Variants in SPIRE1 observed in about 807,000 individuals in gnomAD.
SPIRE1 encodes the protein protein spire homolog 1.
A neutral mutation model predicts 94.1 loss-of-function variants in SPIRE1; 40 were observed. That is an observed-to-expected ratio of 0.43 (90% CI 0.33 to 0.55). SPIRE1 has a LOEUF of 0.55. Among genes scored for constraint, SPIRE1 ranks in the 20% least tolerant of loss-of-function variants. SPIRE1 has a pLI of 0.06. For synonymous variants in SPIRE1, 376 were observed against 371.7 expected (o/e 1.01, Z -0.13); for missense variants, 838 against 975.2 (o/e 0.86, Z 1.87).
intron 1 of SPIRE1, among the ~76,000 whole-genome samples, chr18:12,648,905 A>T (rs67139453): frequency 6.8e-6 from 1 of 147,964 alleles, no homozygotes; most frequent in Non-Finnish European, 1.5e-5. Flanking sequence ...AAAAAAAAAA[A>T]AAAAAAGAAA....
At position 12,612,069 on chromosome 18, in the gene SPIRE1, CTCTCT is replaced by C. The variant is rs1472454633; in HGVS notation, c.372+22988_372+22992del. Among the ~76,000 whole-genome samples the C allele has an allele frequency of 1.4e-4, 22 of 152,232 alleles. No homozygotes were observed. In the East Asian group the frequency reaches 3.7e-3, roughly 25 times the overall value. Reference sequence around the variant, plus strand: ...TTATTCACTATCTCTGATTTCTCTCCTCTCTTCTCTTTGAAACCCACTCCAATAAG... The same window carrying C: ...TTATTCACTATCTCTGATTTCTCTCCTCTCTTTGAAACCCACTCCAATAAG... On this transcript the variant is annotated intron_variant, in intron 2 of 16. Coordinates refer to ENST00000409402, the MANE Select transcript of SPIRE1 (RefSeq NM_001128626.2).
Position 12,449,816 on chromosome 18 carries a change from G to T in SPIRE1, c.2093C>A (p.Thr698Asn), listed in dbSNP as rs201168955. The T allele has an allele frequency of 1.2e-6, 2 of 1,614,090 alleles. No individual in the cohort carries two copies. Among genetic ancestry groups the T allele is most frequent in the Non-Finnish European group, 1.7e-6 (2 of 1,180,026 alleles). The change falls in exon 17 of 17, where the codon ACC becomes AAC. Residue 698 changes from threonine (T) to asparagine (N), a missense_variant. Around this residue, in one of 2 missense-constraint regions of SPIRE1, gnomAD observed 645 missense variants for 804.7 expected, o/e 0.80. Transcript: ENST00000409402. Reference sequence around the variant, plus strand: ...CTTGCAGTCCACACACACCTCCATGGTGCTCCAGTCCTCCATCAACTCTTT... The same window carrying T: ...CTTGCAGTCCACACACACCTCCATGTTGCTCCAGTCCTCCATCAACTCTTT... Reference protein sequence around the residue: ...FPKELMEDWSTMEVCVDCKKF... With the variant: ...FPKELMEDWSNMEVCVDCKKF...
At position 12,448,498 on chromosome 18, in the gene SPIRE1, A is replaced by G. The variant is rs1225888333; in HGVS notation, c.*1140T>C. On this transcript the variant is annotated 3_prime_UTR_variant, in exon 17 of 17. Transcript: ENST00000409402. This position sits in a 1 kb window ranked among gnomAD's most constrained non-coding sequence, Gnocchi z 4.4. ...GGCATACAATGCTACCCTCCAGTCT[A>G]CTTTCGTCAGAAACCAAACCTACTC... is the stretch of plus-strand genomic sequence containing the variant. 6.6e-6 allele frequency: 1 copy of G among 152,268 alleles called. No individual in the cohort carries two copies. Among genetic ancestry groups the G allele is most frequent in the Non-Finnish European group, 1.5e-5 (1 of 68,046 alleles). 9.4% of individuals were successfully genotyped at this position (152,268 alleles called of 1,614,324 possible).
chr18:12,498,082 T>C (rs1243968724), intron 6 of SPIRE1, among the ~76,000 whole-genome samples: 5 of 152,198 alleles, frequency 3.3e-5, no homozygotes, highest in Non-Finnish European at 4.4e-5. Flanking sequence ...GTTTCAGATT[T>C]TTCAATATTT....
At chr18:12,612,996 C>A (rs971587048) in intron 2 of SPIRE1, among the ~76,000 whole-genome samples, 1 of 152,182 alleles carries the variant, frequency 6.6e-6, no homozygotes, top group Admixed American at 6.5e-5. Flanking sequence ...TAGCACTCAG[C>A]ACCTTTTAAT....
intron 4 of SPIRE1, among the ~76,000 whole-genome samples, chr18:12,525,276 C>CA (rs1170791088): frequency 0.044 from 3,159 of 71,466 alleles, 250 homozygotes; most frequent in African/African-American, 0.1. Flanking sequence ...GACTCCGTCT[C>CA]AAAAAAAAAA....
chr18:12,472,693 T>A (rs111616034), intron 10 of SPIRE1, among the ~76,000 whole-genome samples: 2 of 151,676 alleles, frequency 1.3e-5, no homozygotes, highest in African/African-American at 4.8e-5. Flanking sequence ...GGGGACTTGC[T>A]CTGTCACCCA....
At chr18:12,454,681 T>C (rs1268251010) in intron 12 of SPIRE1, among the ~76,000 whole-genome samples, 198 bp from the exon 13 acceptor site, 2 of 151,848 alleles carry the variant, frequency 1.3e-5, no homozygotes, top group East Asian at 1.9e-4. Context: ...GCAGAAAACA[T>C]GTGGGGACCA....
intron 2 of SPIRE1, among the ~76,000 whole-genome samples, chr18:12,568,906 G>A (rs1244579816): frequency 6.6e-6 from 1 of 152,134 alleles, no homozygotes; most frequent in Admixed American, 6.5e-5. Context: ...AGCCTGAACA[G>A]CTCTGAAACA....
chr18:12,560,601 A>G (rs1214970848), intron 2 of SPIRE1, among the ~76,000 whole-genome samples: 1 of 152,230 alleles, frequency 6.6e-6, no homozygotes, highest in African/African-American at 2.4e-5. Context: ...CTCTAATCCC[A>G]GCACTTTGGC....
In SPIRE1 at chr18:12,447,395, G is replaced by A. The variant is rs1171801734; in HGVS notation, c.*2243C>T. On this transcript the variant is annotated 3_prime_UTR_variant, in exon 17 of 17. Coordinates refer to ENST00000409402, the MANE Select transcript of SPIRE1 (RefSeq NM_001128626.2). Reference sequence around the variant, plus strand: ...CAAGCTCTTAGTGAATTACCCTGTGGAAACTATGTAGCTGACGTGAAGTGT... The same window carrying A: ...CAAGCTCTTAGTGAATTACCCTGTGAAAACTATGTAGCTGACGTGAAGTGT... 1 of 149,188 alleles carries A rather than the reference G, an allele frequency of 6.7e-6. No individual in the cohort carries two copies. Among genetic ancestry groups the A allele is most frequent in the Non-Finnish European group, 1.5e-5 (1 of 67,070 alleles). The allele number at this position is 149,188 out of a possible 1,614,324, so 9.2% of individuals were successfully genotyped here. A position where few individuals can be genotyped will look rare whatever the true frequency, so the allele number is the denominator to read the frequency against.
At position 12,612,637 on chromosome 18, in the gene SPIRE1, G is replaced by A. The variant is rs185904597; in HGVS notation, c.372+22425C>T. Reference sequence around the variant, plus strand: ...GAATCTAAATTTAACAAGATCTCTAGGAAATTTGTATGCATATTAAAGTTT... The same window carrying A: ...GAATCTAAATTTAACAAGATCTCTAAGAAATTTGTATGCATATTAAAGTTT... On this transcript the variant is annotated intron_variant, in intron 2 of 16. Transcript: ENST00000409402. Among the ~76,000 whole-genome samples, 564 of 152,286 alleles carry A rather than the reference G, an allele frequency of 3.7e-3. 1 individual carries two copies. Among genetic ancestry groups the A allele is most frequent in the Non-Finnish European group, 6.1e-3 (415 of 68,034 alleles).
Position 12,464,830 on chromosome 18 carries a change from G to C in SPIRE1, c.1495+38C>G, listed in dbSNP as rs1264888669. The C allele has an allele frequency of 9.6e-6, 15 of 1,554,682 alleles. No individual in the cohort carries two copies. The South Asian group carries it at 1.7e-4, about 17-fold the overall frequency. On this transcript the variant is annotated intron_variant, in intron 11 of 16. Coordinates refer to ENST00000409402, the MANE Select transcript of SPIRE1 (RefSeq NM_001128626.2). ...CTAGGTCAAGTGTGTTTTGTAGTAA[G>C]ACATCCGACTACAGCTCTTAGCACC...
intron 3 of SPIRE1, among the ~76,000 whole-genome samples, chr18:12,542,215 T>A (rs970853988): frequency 6.6e-6 from 1 of 152,156 alleles, no homozygotes; most frequent in African/African-American, 2.4e-5. Flanking sequence ...CCTCAAATGA[T>A]CTGCCCACCT....
intron 4 of SPIRE1, among the ~76,000 whole-genome samples, chr18:12,529,515 T>G (rs1260569308): frequency 1.3e-5 from 2 of 152,028 alleles, no homozygotes; most frequent in African/African-American, 2.4e-5. Context: ...ATAAGAAGCG[T>G]TTAATATGTC....
intron 4 of SPIRE1, among the ~76,000 whole-genome samples, chr18:12,522,889 T>C (rs964908680): frequency 1.3e-5 from 2 of 152,220 alleles, no homozygotes; most frequent in Non-Finnish European, 2.9e-5. Flanking sequence ...AAGATTAATG[T>C]TGTTTTCATG....
At chr18:12,636,481 T>C (rs1293447315) in intron 1 of SPIRE1, 2 of 150,806 alleles carry the variant, frequency 1.3e-5, no homozygotes, top group Middle Eastern at 3.4e-3. Flanking sequence ...AAAAATAAAA[T>C]TGAAACCACA....
intron 12 of SPIRE1, among the ~76,000 whole-genome samples, chr18:12,461,426 GTGTATGTATGTATATACATACA>G (rs1211548645): frequency 4.2e-5 from 3 of 71,318 alleles, no homozygotes; most frequent in Admixed American, 1.3e-4. Context: ...GTGTGTGTGT[GTGTATGTATGTATATACATACA>G]TGTGTGTATG....
intron 1 of SPIRE1, among the ~76,000 whole-genome samples, chr18:12,637,068 T>C (rs892780348): frequency 4.6e-5 from 7 of 151,722 alleles, no homozygotes; most frequent in Admixed American, 1.3e-4. Context: ...TCTTTAAGAG[T>C]ATATGAGTTG....
Sources: gnomAD v4.1 joint callset for allele counts (sites outside exome capture counted in the v4.1 genomes callset) on GRCh38, gnomAD v4.1.1 for gene constraint, gnomAD v4.1.1 regional missense constraint, Gnocchi (gnomAD v3.1) non-coding constraint, MANE v1.5 for transcripts, NCBI Gene and HGNC (gene_info 2026-07-23, HGNC 2026-07-21) for gene names.